TRPM1: variants seen among roughly 807,000 people sequenced by gnomAD.
TRPM1 encodes the protein TRPM1-203 APA Isoform, Intron 10.
TRPM1 carries 113 observed loss-of-function variants against 149.4 expected under a neutral mutation model. The ratio of observed to expected loss-of-function variants is 0.76; its 90% CI spans 0.65 to 0.88. TRPM1 has a LOEUF of 0.88. Ranked by LOEUF, TRPM1 falls within the 40% of genes least tolerant of loss-of-function variation. The pLI is 0.00. For missense variants in TRPM1, 1,976 were observed against 2,038.7 expected, an observed-to-expected ratio of 0.97 and a Z score of 0.59; for synonymous variants, 741 against 759.5, an observed-to-expected ratio of 0.98 and a Z score of 0.40.
chr15:31,047,232 T>C lies in TRPM1; in HGVS notation c.1643A>G (p.Tyr548Cys), dbSNP rs971460100. The change falls in exon 15 of 28, where the codon TAC (tyrosine) becomes TGC (cysteine). Residue 548 changes from tyrosine (Y) to cysteine (C), a missense_variant. By Grantham distance (194) the Tyr-to-Cys change is radical. Around this residue, in one of 3 missense-constraint regions of TRPM1, gnomAD observed 1,332 missense variants for 1,347.1 expected, o/e 0.99. Transcript: ENST00000256552. ...DVKKSNLPPDYHISLIDIGLV... is the reference protein window; with the variant it reads ...DVKKSNLPPDCHISLIDIGLV... ...CCCGATGTCTATGAGGCTGATGTGG[T>C]AATCAGGCGGAAGGTTGCTCTGTAA... The C allele has an allele frequency of 6.2e-7, 1 of 1,614,210 alleles. No individual in the cohort carries two copies. Among genetic ancestry groups the C allele is most frequent in the African/African-American group, 1.3e-5 (1 of 75,038 alleles).
At chr15:31,023,699 T>G (rs2032624970) in intron 27 of TRPM1, among the ~76,000 whole-genome samples, 1 of 152,222 alleles carries the variant, frequency 6.6e-6, no homozygotes, top group Non-Finnish European at 1.5e-5. Context: ...CTGAGCTTAA[T>G]GGCGATGCCA....
Position 31,090,453 on chromosome 15 carries a change from A to G in TRPM1, c.-83-9015T>C, listed in dbSNP as rs565258584. 3.9e-5 allele frequency among the ~76,000 whole-genome samples: 6 copies of G among 152,242 alleles called. No homozygotes were observed. In the East Asian group the frequency reaches 9.6e-4, roughly 24 times the overall value. Reference sequence around the variant, plus strand: ...GGGATTCAAGACCAGCCTGGCCAACATGGTGAAATGCCATCTTTACTAAAA... The same window carrying G: ...GGGATTCAAGACCAGCCTGGCCAACGTGGTGAAATGCCATCTTTACTAAAA... On this transcript the variant is annotated intron_variant, in intron 1 of 27. Coordinates refer to ENST00000256552, the MANE Select transcript of TRPM1 (RefSeq NM_001252024.2).
intron 1 of TRPM1, among the ~76,000 whole-genome samples, chr15:31,147,755 C>T (rs1354123385): frequency 6.6e-6 from 1 of 152,196 alleles, no homozygotes; most frequent in African/African-American, 2.4e-5. Context: ...GGGAGCATTT[C>T]CAAGGACACA....
At chr15:31,143,832 C>T (rs968948871) in intron 1 of TRPM1, among the ~76,000 whole-genome samples, 3 of 151,912 alleles carry the variant, frequency 2.0e-5, no homozygotes, top group Non-Finnish European at 4.4e-5. Context: ...GCTTTTCCTT[C>T]TTACCTGATA....
intron 1 of TRPM1, among the ~76,000 whole-genome samples, chr15:31,113,828 G>A (rs959751688): frequency 3.3e-5 from 5 of 152,270 alleles, no homozygotes; most frequent in Non-Finnish European, 5.9e-5. Context: ...TTATTGTGAA[G>A]ATGTGAACAG....
At chr15:31,125,681 G>A (rs2035939355) in intron 1 of TRPM1, among the ~76,000 whole-genome samples, 1 of 116,468 alleles carries the variant, frequency 8.6e-6, no homozygotes, top group South Asian at 3.0e-4. Flanking sequence ...AGTGAGCCGA[G>A]ATCCCGCCAC....
At chr15:31,112,179 C>G (rs1219286714) in intron 1 of TRPM1, among the ~76,000 whole-genome samples, 1 of 152,066 alleles carries the variant, frequency 6.6e-6, no homozygotes, top group Non-Finnish European at 1.5e-5. Flanking sequence ...TTCCTTCTTC[C>G]CGAGTTGATT....
At chr15:31,056,382 A>C (rs953487565) in intron 11 of TRPM1, among the ~76,000 whole-genome samples, 1 of 152,224 alleles carries the variant, frequency 6.6e-6, no homozygotes, top group Admixed American at 6.5e-5. Flanking sequence ...TTCTCTATAC[A>C]CTTCTATTTT....
Position 31,156,681 on chromosome 15 carries a change from C to G in TRPM1, c.54+4225G>C, listed in dbSNP as rs2036381841. ...TGTATTGACTGATCTTTTACGTCTC[C>G]CTATAATGTATAAAGCCAAGCTCTA... On this transcript the variant is annotated intron_variant, in intron 1 of 26. Transcript: ENST00000542188. 2.0e-5 allele frequency among the ~76,000 whole-genome samples: 3 copies of G among 152,318 alleles called. No individual in the cohort carries two copies. In the South Asian group the frequency reaches 6.2e-4, roughly 32 times the overall value.
intron 1 of TRPM1, among the ~76,000 whole-genome samples, chr15:31,158,730 A>T (rs1042634124): frequency 1.3e-5 from 2 of 151,836 alleles, no homozygotes; most frequent in Middle Eastern, 3.2e-3. Flanking sequence ...GAACACGTCC[A>T]CCCTAGGTGT....
At chr15:31,064,007 A>G (rs750976891) in intron 7 of TRPM1, among the ~76,000 whole-genome samples, 11 of 152,176 alleles carry the variant, frequency 7.2e-5, no homozygotes, top group Non-Finnish European at 1.5e-4. Context: ...AGATGATGAA[A>G]GGGGATCTGG....
At chr15:31,049,140 G>A (rs1028106928) in intron 13 of TRPM1, among the ~76,000 whole-genome samples, 5 of 152,124 alleles carry the variant, frequency 3.3e-5, no homozygotes, top group African/African-American at 9.7e-5. Flanking sequence ...CCTTAAATGC[G>A]GGACAAGAGT....
chr15:31,139,369 G>C (rs2036129631), intron 1 of TRPM1, among the ~76,000 whole-genome samples: 1 of 152,098 alleles, frequency 6.6e-6, no homozygotes, highest in Non-Finnish European at 1.5e-5. Flanking sequence ...CAATAGAACA[G>C]GTAATCAGGA....
At chr15:31,121,559 AT>A (rs1187201066) in intron 1 of TRPM1, among the ~76,000 whole-genome samples, 1 of 152,216 alleles carries the variant, frequency 6.6e-6, no homozygotes, top group East Asian at 1.9e-4. Flanking sequence ...GTGTCCACAA[AT>A]TTAATAGCTT....
At chr15:31,038,416 A>G (rs2033499515) in intron 18 of TRPM1, among the ~76,000 whole-genome samples, 1 of 152,226 alleles carries the variant, frequency 6.6e-6, no homozygotes, top group Non-Finnish European at 1.5e-5. Flanking sequence ...TCCTAACTTT[A>G]AAAAGAAAAG....
At chr15:31,071,789 C>A (rs988561559) in intron 3 of TRPM1, among the ~76,000 whole-genome samples, 1 of 151,340 alleles carries the variant, frequency 6.6e-6, no homozygotes, top group Non-Finnish European at 1.5e-5. Context: ...TATTGTGAAA[C>A]CCCGTCTCCA....
chr15:31,161,021 A>G, exon 1 of TRPM1: 2 of 1,496,998 alleles, frequency 1.3e-6, no homozygotes, highest in Non-Finnish European at 1.8e-6. Context: ...CCAGTGGCAC[A>G]GGGGCTGCCC....
chr15:31,155,444 T>C (rs1205695512), intron 1 of TRPM1, among the ~76,000 whole-genome samples: 13 of 152,236 alleles, frequency 8.5e-5, no homozygotes, highest in Admixed American at 8.5e-4. Flanking sequence ...ATCACCTGTT[T>C]GTGCCTTAGG....
chr15:31,078,710 C>T lies in TRPM1; in HGVS notation c.4-1726G>A, dbSNP rs948776646. Among the ~76,000 whole-genome samples the T allele has an allele frequency of 3.9e-5, 6 of 152,188 alleles. No individual in the cohort carries two copies. In the South Asian group the frequency reaches 8.3e-4, roughly 21 times the overall value. On this transcript the variant is annotated intron_variant, in intron 2 of 27. Coordinates refer to ENST00000256552, the MANE Select transcript of TRPM1 (RefSeq NM_001252024.2). Reference sequence around the variant, plus strand: ...TCCCGTCTGTTTCGCACTTCTCCAGCGCAAGACAGCGAAGCCCAGCACCTG... The same window carrying T: ...TCCCGTCTGTTTCGCACTTCTCCAGTGCAAGACAGCGAAGCCCAGCACCTG...
Sources: gnomAD v4.1 joint callset for allele counts (sites outside exome capture counted in the v4.1 genomes callset) on GRCh38, gnomAD v4.1.1 for gene constraint, gnomAD v4.1.1 regional missense constraint, MANE v1.5 for transcripts, NCBI Gene and HGNC (gene_info 2026-07-23, HGNC 2026-07-21) for gene names.